RBMS1: variants seen among roughly 807,000 people sequenced by gnomAD.
The protein encoded by RBMS1 is RNA-binding motif, single-stranded-interacting protein 1.
A neutral mutation model predicts 62.3 loss-of-function variants in RBMS1; 17 were observed. The ratio of observed to expected loss-of-function variants is 0.27; its 90% CI spans 0.19 to 0.41. RBMS1 has a LOEUF of 0.41. RBMS1 is among the 10% of genes least tolerant of loss of function. The probability of loss-of-function intolerance (pLI) is 1.00; values close to 1 mark genes in which losing one functional copy is unlikely to be tolerated. For synonymous variants in RBMS1, 172 were observed against 170.0 expected, an observed-to-expected ratio of 1.01 and a Z score of -0.09; for missense variants, 334 against 504.5, an observed-to-expected ratio of 0.66 and a Z score of 3.24.
At chr2:160,460,146 G>T (rs1278812441) in intron 1 of RBMS1, among the ~76,000 whole-genome samples, 1 of 152,190 alleles carries the variant, frequency 6.6e-6, no homozygotes, top group Non-Finnish European at 1.5e-5. Context: ...GGCAATCAAG[G>T]TGAATGCCCT....
intron 11 of RBMS1, chr2:160,278,287 ACTAGT>A: frequency 4.0e-6 from 2 of 497,020 alleles, no homozygotes; most frequent in Non-Finnish European, 3.6e-6. Flanking sequence ...TATAGATGAC[ACTAGT>A]CATAAAAGGC....
intron 5 of RBMS1, chr2:160,302,679 T>C (rs1463514672): frequency 6.6e-6 from 1 of 151,960 alleles, no homozygotes; most frequent in Non-Finnish European, 1.5e-5. Flanking sequence ...CAGTTAATTT[T>C]TGTATTTTTA....
intron 1 of RBMS1, among the ~76,000 whole-genome samples, chr2:160,480,771 C>A (rs2105356313): frequency 6.6e-6 from 1 of 152,248 alleles, no homozygotes; most frequent in East Asian, 1.9e-4. Context: ...AGAATACGCA[C>A]TTACTATATT....
At chr2:160,384,159 C>T (rs541424416) in intron 1 of RBMS1, among the ~76,000 whole-genome samples, 9 of 152,166 alleles carry the variant, frequency 5.9e-5, no homozygotes, top group African/African-American at 1.9e-4. Flanking sequence ...ATCGTGCCAC[C>T]GCACTCCAGC....
At chr2:160,396,829 C>T (rs1372909554) in intron 1 of RBMS1, among the ~76,000 whole-genome samples, 1 of 152,152 alleles carries the variant, frequency 6.6e-6, no homozygotes, top group Admixed American at 6.5e-5. Flanking sequence ...TCCCAAAGTG[C>T]TGGGATTACA....
chr2:160,329,130 T>A (rs1174098162), intron 2 of RBMS1, among the ~76,000 whole-genome samples: 1 of 152,164 alleles, frequency 6.6e-6, no homozygotes, highest in Non-Finnish European at 1.5e-5. Flanking sequence ...TCAAACGTAG[T>A]CCATCCTTTT....
At chr2:160,373,927 G>A (rs1693863167) in intron 1 of RBMS1, among the ~76,000 whole-genome samples, 1 of 152,026 alleles carries the variant, frequency 6.6e-6, no homozygotes, top group South Asian at 2.1e-4. Context: ...AAAAGGTTGA[G>A]GAAGGCTTCA....
intron 2 of RBMS1, among the ~76,000 whole-genome samples, chr2:160,330,623 T>G (rs906248752): frequency 6.6e-6 from 1 of 152,082 alleles, no homozygotes; most frequent in Admixed American, 6.6e-5. Context: ...AATATGTTTT[T>G]TTTTTTTGTT....
intron 2 of RBMS1, among the ~76,000 whole-genome samples, chr2:160,327,202 T>C (rs996740399): frequency 2.6e-5 from 4 of 152,192 alleles, no homozygotes; most frequent in African/African-American, 9.7e-5. Flanking sequence ...CAACACATCC[T>C]TTGAGAGTAC....
intron 2 of RBMS1, among the ~76,000 whole-genome samples, chr2:160,351,597 G>A (rs1692512596): frequency 1.3e-5 from 2 of 152,102 alleles, no homozygotes; most frequent in South Asian, 4.1e-4. Flanking sequence ...CAACAAAGAT[G>A]TCAATCAAGC....
intron 1 of RBMS1, among the ~76,000 whole-genome samples, chr2:160,406,121 G>A (rs1397785334): frequency 6.6e-6 from 1 of 152,174 alleles, no homozygotes; most frequent in African/African-American, 2.4e-5. Context: ...TTAAAGGAAA[G>A]AACTTCTTAA....
chr2:160,458,759 T>G (rs571879120), intron 1 of RBMS1, among the ~76,000 whole-genome samples: 6 of 150,932 alleles, frequency 4.0e-5, no homozygotes, highest in South Asian at 2.1e-4. Flanking sequence ...ATCGTGCCAT[T>G]GCACTCCAGC....
At chr2:160,453,478 G>A (rs976933339) in intron 1 of RBMS1, among the ~76,000 whole-genome samples, 2 of 151,914 alleles carry the variant, frequency 1.3e-5, no homozygotes, top group African/African-American at 4.8e-5. Flanking sequence ...CTGTAAGCAT[G>A]CATTACTTTC....
intron 1 of RBMS1, among the ~76,000 whole-genome samples, chr2:160,406,061 A>G (rs1259782371): frequency 6.6e-6 from 1 of 152,158 alleles, no homozygotes; most frequent in Non-Finnish European, 1.5e-5. Context: ...TGACTATCTT[A>G]GCATATCCTT....
Position 160,303,485 on chromosome 2 carries a change from T to C in RBMS1, c.405A>G (p.Gln135=). The C allele has an allele frequency of 6.2e-7, 1 of 1,605,998 alleles. No homozygotes were observed. Among genetic ancestry groups the C allele is most frequent in the African/African-American group, 1.3e-5 (1 of 74,524 alleles). ...AGAGGTTGGTAGGATCTTGTTCCTGTTGCTAAAACAGAAGAGAGTGTTGTC... is the reference window on the plus strand; with the variant it reads ...AGAGGTTGGTAGGATCTTGTTCCTGCTGCTAAAACAGAAGAGAGTGTTGTC... ...ASGVQAQMAK[Q]QEQDPTNLYI... The change falls in exon 5 of 14, where the codon CAA becomes CAG. Residue 135 remains glutamine, a splice_region_variant and synonymous_variant. Coordinates refer to ENST00000348849, the MANE Select transcript of RBMS1 (RefSeq NM_016836.4).
intron 6 of RBMS1, 68 bp downstream of exon 6, chr2:160,300,583 A>G (rs1689156999): frequency 6.7e-7 from 1 of 1,490,394 alleles, no homozygotes; most frequent in African/African-American, 1.4e-5. Context: ...TTGAAGAGTC[A>G]TCATGTGCTA....
chr2:160,364,434 C>G lies in RBMS1; in HGVS notation c.251+2782G>C, dbSNP rs73002628. ...CTTTTCAATCCAGATTACCTGACAGCACTGTCACCACCCTGTATCAGGAAC... is the reference window on the plus strand; with the variant it reads ...CTTTTCAATCCAGATTACCTGACAGGACTGTCACCACCCTGTATCAGGAAC... On this transcript the variant is annotated intron_variant, in intron 2 of 13. Transcript: ENST00000348849. Among the ~76,000 whole-genome samples, 668 of 152,280 alleles carry G rather than the reference C, an allele frequency of 4.4e-3. 1 individual carries two copies. Among genetic ancestry groups the G allele is most frequent in the African/African-American group, 0.015 (641 of 41,546 alleles).
chr2:160,292,719 G>T (rs1421358955), intron 6 of RBMS1, among the ~76,000 whole-genome samples: 3 of 152,190 alleles, frequency 2.0e-5, no homozygotes, highest in African/African-American at 4.8e-5. Context: ...TCGTGAAAGG[G>T]TGTAAAATGT....
In RBMS1 at chr2:160,443,874, T is replaced by C. The variant is rs1247059284; in HGVS notation, c.75+49415A>G. 2.0e-5 allele frequency among the ~76,000 whole-genome samples: 3 copies of C among 152,350 alleles called. No homozygotes were observed. In the East Asian group the frequency reaches 5.8e-4, roughly 29 times the overall value. On this transcript the variant is annotated intron_variant, in intron 1 of 13. Transcript: ENST00000348849. The stretch of plus-strand genomic sequence containing the variant: ...AATGAATTAGGCCACTCTACTTTAC[T>C]TGTAGAGTTTCTGTACTTGTAGTAC...
Sources: allele counts gnomAD v4.1 joint callset (sites outside exome capture counted in the v4.1 genomes callset), GRCh38; gene constraint gnomAD v4.1.1; transcripts MANE v1.5; gene names NCBI Gene and HGNC (gene_info 2026-07-23, HGNC 2026-07-21).